The following RNF208 variants were observed in gnomAD, a reference collection of about 807,000 sequenced individuals.
RNF208 encodes ring finger protein 208.
In RNF208, 7 loss-of-function variants were observed where a neutral mutation model predicts 15.2. The ratio of observed to expected loss-of-function variants is 0.46; its 90% CI spans 0.26 to 0.86. The LOEUF is 0.86. Ranked by LOEUF, RNF208 falls within the 40% of genes least tolerant of loss-of-function variation. RNF208 has a pLI of 0.16. For missense variants in RNF208, 342 were observed against 364.1 expected (o/e 0.94, Z 0.49); for synonymous variants, 211 against 163.2 (o/e 1.29, Z -2.23).
chr9:137,222,311 G>C (rs1029050481), upstream of RNF208, among the ~76,000 whole-genome samples: 2 of 148,674 alleles, frequency 1.3e-5, no homozygotes, highest in African/African-American at 4.9e-5. Context: ...CCCGTCTGGG[G>C]ACCCGCGCGG....
rs144152667 is a variant in RNF208, at chr9:137,221,102, G to A, written c.111C>T (p.His37=). ...ILKMEAMKIV[H]PEKFPELPAA... ...CCGGTAGCTCAGGGAACTTTTCAGG[G>A]TGGACAATCTTCATGGCCTCCATCT... Residue 37 remains histidine (H), a synonymous_variant, in exon 2 of 2, where the codon CAC becomes CAT. Transcript: ENST00000391553. The A allele has an allele frequency of 0.025, 40,006 of 1,605,534 alleles. 700 individuals carry two copies. The highest frequency in any genetic ancestry group is 0.08 in the Admixed American group (4,758 of 59,122).
At position 137,220,805 on chromosome 9, in the gene RNF208, C is replaced by A. The variant is rs534009706; in HGVS notation, c.408G>T (p.Ala136=). ...TGGGGCACTCCAGGGGCTCGCCTGC[C>A]GCCGCCGAAGAAGCCGCCGAGGCCG... ...GPSASAASSA[A]AGEPLECPTC... The change falls in exon 2 of 2, where the codon GCG becomes GCT. Residue 136 remains alanine (A), a synonymous_variant. Coordinates refer to ENST00000391553, the MANE Select transcript of RNF208 (RefSeq NM_031297.7). 52 of 1,607,816 alleles carry A rather than the reference C, an allele frequency of 3.2e-5. No individual in the cohort carries two copies. In the South Asian group the frequency reaches 5.3e-4, roughly 16 times the overall value.
At position 137,220,351 on chromosome 9, in the gene RNF208, G is replaced by A. The variant is rs928774733; in HGVS notation, c.*76C>T. ...CATGGTGGGGAAGGAAGGGTCAGCG[G>A]GCGGCAGGGCAGGGCCGGGTCCCTG... is the stretch of plus-strand genomic sequence containing the variant. On this transcript the variant is annotated 3_prime_UTR_variant, in exon 2 of 2. Transcript: ENST00000391553. 76 of 1,428,416 alleles carry A rather than the reference G, an allele frequency of 5.3e-5. No individual in the cohort carries two copies. The highest frequency in any genetic ancestry group is 6.3e-5 in the Non-Finnish European group (68 of 1,075,764). 88.5% of individuals were successfully genotyped at this position (1,428,416 alleles called of 1,614,324 possible).
chr9:137,220,827 G>T lies in RNF208; in HGVS notation c.386C>A (p.Ala129Asp), dbSNP rs752555109. Reference protein sequence around the residue: ...NQYVIRPGPSASAASSAAAGE... With the variant: ...NQYVIRPGPSDSAASSAAAGE... ...TGCCGCCGCCGAAGAAGCCGCCGAG[G>T]CCGAGGGGCCAGGCCGAATCACGTA... The change falls in exon 2 of 2, where the codon GCC (alanine) becomes GAC (aspartate). Residue 129 changes from alanine (A) to aspartate (D), a missense_variant. Ala to Asp is a moderately radical substitution (Grantham distance 126, BLOSUM62 -2). Around this residue, in one of 3 missense-constraint regions of RNF208, gnomAD observed 207 missense variants for 193.7 expected, o/e 1.07. Transcript: ENST00000391553. The T allele has an allele frequency of 2.5e-6, 4 of 1,607,760 alleles. No individual in the cohort carries two copies. The highest frequency in any genetic ancestry group is 1.7e-6 in the Non-Finnish European group (2 of 1,177,408).
rs144743244 is a variant in RNF208, at chr9:137,220,847, C to T, written c.366G>A (p.Val122=). ...PEDEVIVNQY[V]IRPGPSASAA... ...CCGAGGCCGAGGGGCCAGGCCGAAT[C>T]ACGTACTGATTCACAATGACCTCAT... Residue 122 remains valine, a synonymous_variant, in exon 2 of 2, where the codon GTG becomes GTA. Coordinates refer to ENST00000391553, the MANE Select transcript of RNF208 (RefSeq NM_031297.7). 2 of 1,603,172 alleles carry T rather than the reference C, an allele frequency of 1.2e-6. No homozygotes were observed. The highest frequency in any genetic ancestry group is 2.7e-5 in the African/African-American group (2 of 74,476).
chr9:137,221,120 C>A lies in RNF208; in HGVS notation c.93G>T (p.Glu31Asp). 1.2e-6 allele frequency: 2 copies of A among 1,604,198 alleles called. No homozygotes were observed. The highest frequency in any genetic ancestry group is 1.7e-6 in the Non-Finnish European group (2 of 1,175,344). Residue 31 changes from glutamate (E) to aspartate (D), a missense_variant, in exon 2 of 2, where the codon GAG becomes GAT. Around this residue, in one of 3 missense-constraint regions of RNF208, gnomAD observed 207 missense variants for 193.7 expected, o/e 1.07. Coordinates refer to ENST00000391553, the MANE Select transcript of RNF208 (RefSeq NM_031297.7). ...LKGPHVILKM[E>D]AMKIVHPEKF... ...TTTCAGGGTGGACAATCTTCATGGC[C>A]TCCATCTTGAGGATGACATGGGGAC...
At chr9:137,222,918 C>T (rs531482022), upstream of RNF208, among the ~76,000 whole-genome samples, 1 of 152,352 alleles carries the variant, frequency 6.6e-6, no homozygotes, top group African/African-American at 2.4e-5. Flanking sequence ...GGTCCGCCTT[C>T]TGCCTGTGGA....
chr9:137,220,918 G>T lies in RNF208; in HGVS notation c.295C>A (p.Arg99Ser). 1.3e-6 allele frequency: 2 copies of T among 1,563,900 alleles called. No homozygotes were observed. The highest frequency in any genetic ancestry group is 1.2e-5 in the South Asian group (1 of 84,130). Residue 99 changes from arginine to serine, a missense_variant, in exon 2 of 2, where the codon CGT becomes AGT. By Grantham distance (110) the Arg-to-Ser change is moderately radical. Around this residue, in one of 3 missense-constraint regions of RNF208, gnomAD observed 207 missense variants for 193.7 expected, o/e 1.07. Transcript: ENST00000391553. ...AAGCCCAGCTCCGAGCTTCCCTTACGGGGCCGCCGTGGCAGTGGCGGGGTA... is the reference window on the plus strand; with the variant it reads ...AAGCCCAGCTCCGAGCTTCCCTTACTGGGCCGCCGTGGCAGTGGCGGGGTA... ...PHTPPLPRRP[R>S]KGSSELGFPR...
chr9:137,220,533 C>G lies in RNF208; in HGVS notation c.680G>C (p.Trp227Ser). ...EALTAPSGGQWGAEPEGSCYQ... is the reference protein window; with the variant it reads ...EALTAPSGGQSGAEPEGSCYQ... ...GCAGCTGCCCTCGGGCTCAGCCCCC[C>G]ACTGACCCCCGGATGGGGCCGTCAG... The change falls in exon 2 of 2, where the codon TGG (tryptophan) becomes TCG (serine). Residue 227 changes from tryptophan (W) to serine (S), a missense_variant. Transcript: ENST00000391553. 1.2e-6 allele frequency: 2 copies of G among 1,605,830 alleles called. No homozygotes were observed. Among genetic ancestry groups the G allele is most frequent in the Non-Finnish European group, 1.7e-6 (2 of 1,177,184 alleles).
rs531367982 is a variant in RNF208 at position 137,220,499 on chromosome 9, G to A, written c.714C>T (p.Thr238=). ...ACGCGGCCCCACAGTACTGCCGGAA[G>A]GTCTGGTAGCAGCTGCCCTCGGGCT... ...GAEPEGSCYQ[T]FRQYCGAACT... Residue 238 remains threonine (T), a synonymous_variant, in exon 2 of 2, where the codon ACC becomes ACT. Transcript: ENST00000391553. 11 of 1,602,492 alleles carry A rather than the reference G, an allele frequency of 6.9e-6. No individual in the cohort carries two copies. In the South Asian group the frequency reaches 8.9e-5, roughly 13 times the overall value.
Position 137,222,019 on chromosome 9 carries a change from C to G in RNF208, c.-557G>C, listed in dbSNP as rs1051997134. ...CCAGCCTGGCGTCCCGGCCGCGCGC[C>G]GCCGCCGCAGAGGTTGTCTCAAAGG... On this transcript the variant is annotated 5_prime_UTR_variant, in exon 1 of 2. Coordinates refer to ENST00000391553, the MANE Select transcript of RNF208 (RefSeq NM_031297.7). Among the ~76,000 whole-genome samples the G allele has an allele frequency of 6.6e-6, 1 of 151,254 alleles. No homozygotes were observed. Among genetic ancestry groups the G allele is most frequent in the African/African-American group, 2.4e-5 (1 of 41,316 alleles).
Position 137,220,370 on chromosome 9 carries a change from G to T in RNF208, c.*57C>A. ...TCAGCGGGCGGCAGGGCAGGGCCGG[G>T]TCCCTGAAGAAGCAGCGAGCGAGGC... is the stretch of plus-strand genomic sequence containing the variant. On this transcript the variant is annotated 3_prime_UTR_variant, in exon 2 of 2. Coordinates refer to ENST00000391553, the MANE Select transcript of RNF208 (RefSeq NM_031297.7). 6.7e-7 allele frequency: 1 copy of T among 1,489,652 alleles called. No homozygotes were observed. The highest frequency in any genetic ancestry group is 1.3e-5 in the South Asian group (1 of 75,794). 92.3% of individuals were successfully genotyped at this position (1,489,652 alleles called of 1,614,324 possible).
chr9:137,221,658 T>G lies in RNF208; in HGVS notation c.-446A>C. On this transcript the variant is annotated 5_prime_UTR_variant, in exon 2 of 2. Coordinates refer to ENST00000391553, the MANE Select transcript of RNF208 (RefSeq NM_031297.7). ...GGACAGGGCGCCCAGGGAAGGCAGC[T>G]AGCCGAAGCGCTGGCTGCAGGAGGA... The G allele has an allele frequency of 2.6e-5, 4 of 156,406 alleles. No homozygotes were observed. Among genetic ancestry groups the G allele is most frequent in the East Asian group, 1.9e-4 (1 of 5,316 alleles). 9.7% of individuals were successfully genotyped at this position (156,406 alleles called of 1,614,324 possible).
chr9:137,222,913 G>A (rs371349715), upstream of RNF208, among the ~76,000 whole-genome samples: 3 of 152,334 alleles, frequency 2.0e-5, no homozygotes, highest in Middle Eastern at 3.4e-3. Context: ...TCCTGGGTCC[G>A]CCTTCTGCCT....
In RNF208 at chr9:137,221,192, G is replaced by C. The variant is rs1444925906; in HGVS notation, c.21C>G (p.Pro7=). The C allele has an allele frequency of 6.6e-7, 1 of 1,518,656 alleles. No homozygotes were observed. The highest frequency in any genetic ancestry group is 2.3e-5 in the East Asian group (1 of 43,194). The allele number at this position is 1,518,656 out of a possible 1,614,324, so 94.1% of individuals were successfully genotyped here. A position where few individuals can be genotyped will look rare whatever the true frequency, so the allele number is the denominator to read the frequency against. The change falls in exon 2 of 2, where the codon CCC becomes CCG. Residue 7 remains proline, a synonymous_variant. Transcript: ENST00000391553. ...GGCCCGGCCAGCCACTGCCCGCCTC[G>C]GGCCCGGGGTCAGAGGGCATCCGGC... MPSDPG[P]EAGSGWPGLL...
At position 137,220,833 on chromosome 9, in the gene RNF208, G is replaced by A. The variant is rs756236898; in HGVS notation, c.380C>T (p.Pro127Leu). 2 of 1,606,912 alleles carry A rather than the reference G, an allele frequency of 1.2e-6. No individual in the cohort carries two copies. The highest frequency in any genetic ancestry group is 1.7e-6 in the Non-Finnish European group (2 of 1,176,920). The change falls in exon 2 of 2, where the codon CCC becomes CTC. Residue 127 changes from proline (P) to leucine (L), a missense_variant. Pro to Leu is a moderately conservative substitution (Grantham distance 98). Around this residue, in one of 3 missense-constraint regions of RNF208, gnomAD observed 207 missense variants for 193.7 expected, o/e 1.07. Transcript: ENST00000391553. ...IVNQYVIRPG[P>L]SASAASSAAA... ...CGCCGAAGAAGCCGCCGAGGCCGAG[G>A]GGCCAGGCCGAATCACGTACTGATT...
chr9:137,221,305 A>C lies in RNF208; in HGVS notation c.-93T>G. On this transcript the variant is annotated 5_prime_UTR_variant, in exon 2 of 2. Coordinates refer to ENST00000391553, the MANE Select transcript of RNF208 (RefSeq NM_031297.7). ...GACAGGGCAGCATCCTGGTCCCGCC[A>C]GGCCTGGGGGGGGCCCCGGACGGCC... The C allele has an allele frequency of 1.2e-6, 1 of 850,838 alleles. No homozygotes were observed. Among genetic ancestry groups the C allele is most frequent in the Non-Finnish European group, 1.6e-6 (1 of 625,120 alleles). 52.7% of individuals were successfully genotyped at this position (850,838 alleles called of 1,614,324 possible).
chr9:137,220,635 GTC>G lies in RNF208; in HGVS notation c.576_577del (p.Glu192AspfsTer25). Reference sequence around the variant, plus strand: ...CAGGCCGTAGTCGGTGAAGAGCACAGTCTCACGGCGGCAGGTGGGGCAGGAGA... The same window carrying G: ...CAGGCCGTAGTCGGTGAAGAGCACAGTCACGGCGGCAGGTGGGGCAGGAGA... On this transcript the variant is annotated frameshift_variant, in exon 2 of 2. Coordinates refer to ENST00000391553, the MANE Select transcript of RNF208 (RefSeq NM_031297.7). LOFTEE classifies it high-confidence loss of function. The G allele has an allele frequency of 6.2e-7, 1 of 1,612,614 alleles. No individual in the cohort carries two copies. The highest frequency in any genetic ancestry group is 2.2e-5 in the East Asian group (1 of 44,880).
chr9:137,221,266 G>T lies in RNF208; in HGVS notation c.-54C>A. ...CGGGTGGGTGGGGGCGTTGTGTGGGGCTGGGGGGCAGGTGACAGGGCAGCA... is the reference window on the plus strand; with the variant it reads ...CGGGTGGGTGGGGGCGTTGTGTGGGTCTGGGGGGCAGGTGACAGGGCAGCA... On this transcript the variant is annotated 5_prime_UTR_variant, in exon 2 of 2. Transcript: ENST00000391553. 9.0e-7 allele frequency: 1 copy of T among 1,117,054 alleles called. No individual in the cohort carries two copies. Among genetic ancestry groups the T allele is most frequent in the Non-Finnish European group, 1.2e-6 (1 of 837,088 alleles). 69.2% of individuals were successfully genotyped at this position (1,117,054 alleles called of 1,614,324 possible). A position where few individuals can be genotyped will look rare whatever the true frequency, so the allele number is the denominator to read the frequency against.
Sources: gnomAD v4.1 joint callset for allele counts (sites outside exome capture counted in the v4.1 genomes callset) on GRCh38, gnomAD v4.1.1 for gene constraint, gnomAD v4.1.1 regional missense constraint, MANE v1.5 for transcripts, NCBI Gene and HGNC (gene_info 2026-07-23, HGNC 2026-07-21) for gene names.